GALNT13: variants seen among roughly 807,000 people sequenced by gnomAD.
GALNT13 encodes the protein polypeptide N-acetylgalactosaminyltransferase 13.
GALNT13 carries 28 observed loss-of-function variants against 64.2 expected under a neutral mutation model. The observed-to-expected ratio is 0.44, with a 90% CI of 0.32 to 0.60. The LOEUF (loss-of-function observed/expected upper bound fraction) is 0.60. GALNT13 is among the 20% of genes least tolerant of loss of function. The probability of loss-of-function intolerance (pLI) is 0.05; values close to 1 mark genes in which losing one functional copy is unlikely to be tolerated. For missense variants in GALNT13, 577 were observed against 669.8 expected, an observed-to-expected ratio of 0.86 and a Z score of 1.53; for synonymous variants, 214 against 224.6, an observed-to-expected ratio of 0.95 and a Z score of 0.42.
At chr2:153,074,261 A>T in the GALNT13 span, among the ~76,000 whole-genome samples, 1 of 152,168 alleles carries the variant, frequency 6.6e-6, no homozygotes, top group African/African-American at 2.4e-5. Context: ...AGATACATTT[A>T]TGTACTCTGA....
intron 2 of GALNT13, among the ~76,000 whole-genome samples, chr2:153,914,864 C>T (rs1033995484): frequency 6.6e-6 from 1 of 152,096 alleles, no homozygotes; most frequent in Admixed American, 6.5e-5. Flanking sequence ...GGACAATCCT[C>T]CAGTGGTAAA....
the GALNT13 span, among the ~76,000 whole-genome samples, chr2:153,605,444 G>GA: frequency 9.9e-5 from 15 of 151,822 alleles, no homozygotes; most frequent in Middle Eastern, 3.4e-3. Context: ...TTAGCACTCA[G>GA]AAAAAAAATG....
At chr2:154,174,409 A>C (rs973427149) in intron 4 of GALNT13, among the ~76,000 whole-genome samples, 1 of 152,144 alleles carries the variant, frequency 6.6e-6, no homozygotes, top group Non-Finnish European at 1.5e-5. Context: ...TCTAAGAAAC[A>C]AGTGAACTCT....
At chr2:153,166,349 G>A in the GALNT13 span, among the ~76,000 whole-genome samples, 1 of 152,160 alleles carries the variant, frequency 6.6e-6, no homozygotes, top group Non-Finnish European at 1.5e-5. Context: ...CTAATTTCCT[G>A]GTTTTGAAGA....
chr2:153,173,587 T>C, the GALNT13 span, among the ~76,000 whole-genome samples: 5 of 151,918 alleles, frequency 3.3e-5, no homozygotes, highest in African/African-American at 1.2e-4. Flanking sequence ...TAAGGTTACA[T>C]TCTGAGGTAC....
At chr2:154,243,012 A>G in intron 6 of GALNT13, 107 bp downstream of exon 6, 4 of 883,042 alleles carry the variant, frequency 4.5e-6, no homozygotes, top group Middle Eastern at 3.1e-4. Context: ...TAGAAGGTTT[A>G]TTTTATAGCT....
rs1341373277 is a variant in GALNT13 at position 154,043,455 on chromosome 2, T to TATATATATATATACAC, written c.143-96881_143-96880insTATATATATATACACA. On this transcript the variant is annotated intron_variant, in intron 3 of 12. Coordinates refer to ENST00000392825, the MANE Select transcript of GALNT13 (RefSeq NM_052917.4). ...ATATATATATATATATATATATATA[T>TATATATATATATACAC]ACACACATGTATACATAAAAACATG... Among the ~76,000 whole-genome samples, 175 of 104,772 alleles carry TATATATATATATACAC rather than the reference T, an allele frequency of 1.7e-3. 2 individuals are homozygous for TATATATATATATACAC. The highest frequency in any genetic ancestry group is 6.4e-3 in the East Asian group (10 of 1,570). 68.7% of individuals were successfully genotyped at this position (104,772 alleles called of 152,430 possible). A position where few individuals can be genotyped will look rare whatever the true frequency, so the allele number is the denominator to read the frequency against.
chr2:154,092,578 A>G (rs1177346576), intron 3 of GALNT13, among the ~76,000 whole-genome samples: 1 of 152,098 alleles, frequency 6.6e-6, no homozygotes, highest in African/African-American at 2.4e-5. Context: ...CTGCACTGGC[A>G]TAGCCAAATA....
At chr2:153,145,514 G>A in the GALNT13 span, among the ~76,000 whole-genome samples, 1 of 151,796 alleles carries the variant, frequency 6.6e-6, no homozygotes, top group Non-Finnish European at 1.5e-5. Flanking sequence ...GAAAAATTAA[G>A]CCAAATTCTA....
At chr2:153,859,769 T>C in the GALNT13 span, among the ~76,000 whole-genome samples, 1 of 152,160 alleles carries the variant, frequency 6.6e-6, no homozygotes, top group Non-Finnish European at 1.5e-5. Context: ...AAAGAGTACA[T>C]ATTTACTTAA....
At chr2:154,199,006 A>G (rs1168224860) in intron 4 of GALNT13, among the ~76,000 whole-genome samples, 1 of 152,050 alleles carries the variant, frequency 6.6e-6, no homozygotes. Flanking sequence ...ATATATGTAT[A>G]TGTTCAAATG....
chr2:154,076,328 G>A (rs1197715044), intron 3 of GALNT13, among the ~76,000 whole-genome samples: 1 of 151,682 alleles, frequency 6.6e-6, no homozygotes, highest in East Asian at 1.9e-4. Flanking sequence ...CCTCCATATG[G>A]AGAAGGATCA....
chr2:154,069,675 A>C (rs1207958991), intron 3 of GALNT13, among the ~76,000 whole-genome samples: 2 of 152,082 alleles, frequency 1.3e-5, no homozygotes, highest in Non-Finnish European at 2.9e-5. Context: ...TCATTATAAA[A>C]TTAGAATAGT....
the GALNT13 span, among the ~76,000 whole-genome samples, chr2:153,435,677 T>A: frequency 2.0e-5 from 3 of 152,172 alleles, no homozygotes; most frequent in Non-Finnish European, 2.9e-5. Context: ...GCACATTGAT[T>A]TTGTATCCTG....
At chr2:154,352,844 G>A (rs1696489067) in intron 9 of GALNT13, among the ~76,000 whole-genome samples, 1 of 152,144 alleles carries the variant, frequency 6.6e-6, no homozygotes, top group South Asian at 2.1e-4. Flanking sequence ...GGTTTCTGTG[G>A]AATTTGGCAA....
At chr2:153,655,290 T>C in the GALNT13 span, among the ~76,000 whole-genome samples, 135,591 of 152,124 alleles carry the variant, frequency 0.89, 60,465 homozygotes, top group East Asian at 0.92. Flanking sequence ...AACAATGCTA[T>C]CAAGCAGATA....
chr2:153,471,265 C>G, the GALNT13 span, among the ~76,000 whole-genome samples: 1 of 152,098 alleles, frequency 6.6e-6, no homozygotes, highest in East Asian at 1.9e-4. Context: ...CACCAAACTT[C>G]CAAGGTCTAA....
chr2:154,173,475 T>C (rs1039870736), intron 4 of GALNT13, among the ~76,000 whole-genome samples: 2 of 151,780 alleles, frequency 1.3e-5, no homozygotes, highest in African/African-American at 4.8e-5. Context: ...TGGGAAATGA[T>C]CCAGGATATT....
At chr2:153,116,797 T>C in the GALNT13 span, among the ~76,000 whole-genome samples, 10 of 130,670 alleles carry the variant, frequency 7.7e-5, no homozygotes, top group African/African-American at 3.1e-4. Context: ...TTGTCTTCTT[T>C]TTTTTTTTTT....
Sources: allele counts gnomAD v4.1 joint callset (sites outside exome capture counted in the v4.1 genomes callset), GRCh38; gene constraint gnomAD v4.1.1; transcripts MANE v1.5; gene names NCBI Gene and HGNC (gene_info 2026-07-23, HGNC 2026-07-21).